Variants in SIPA1L3 observed in about 807,000 individuals in gnomAD.
SIPA1L3 encodes signal-induced proliferation-associated 1-like protein 3.
A neutral mutation model predicts 150.1 loss-of-function variants in SIPA1L3; 59 were observed. That is an observed-to-expected ratio of 0.39 (90% CI 0.32 to 0.49). The LOEUF is 0.49. Ranked by LOEUF, SIPA1L3 falls within the 20% of genes least tolerant of loss-of-function variation. The pLI is 0.86. For missense variants in SIPA1L3, 2,211 were observed against 2,489.5 expected, an observed-to-expected ratio of 0.89 and a Z score of 2.38; for synonymous variants, 1,070 against 1,077.6, an observed-to-expected ratio of 0.99 and a Z score of 0.14.
At chr19:38,080,992 T>G (rs1203450649) in intron 2 of SIPA1L3, among the ~76,000 whole-genome samples, 3 of 150,000 alleles carry the variant, frequency 2.0e-5, no homozygotes, top group Non-Finnish European at 4.4e-5. Flanking sequence ...AAATGATGTC[T>G]GGGGTTTACT....
intron 2 of SIPA1L3, among the ~76,000 whole-genome samples, chr19:38,039,693 CAAAAAAA>C (rs60084757): frequency 2.7e-5 from 2 of 73,548 alleles, no homozygotes; most frequent in African/African-American, 1.1e-4. Context: ...GACTCTGTCT[CAAAAAAA>C]AAAAAAAAAA....
rs1245433359 is a variant in SIPA1L3 at position 38,192,206 on chromosome 19, G to A, written c.4492G>A (p.Asp1498Asn). 1 of 1,613,442 alleles carries A rather than the reference G, an allele frequency of 6.2e-7. No homozygotes were observed. Among genetic ancestry groups the A allele is most frequent in the Non-Finnish European group, 8.5e-7 (1 of 1,179,798 alleles). The change falls in exon 17 of 22, where the codon GAC becomes AAC. Residue 1498 changes from aspartate (D) to asparagine (N), a missense_variant. By Grantham distance (23) the Asp-to-Asn change is conservative. This residue lies in a region of SIPA1L3 where 806 missense variants were observed against 870.1 expected (regional missense o/e 0.93). Transcript: ENST00000222345. ...GQPRLRASLR[D>N]LRSPRKNYKS... is the part of the protein sequence containing the mutation. Reference sequence around the variant, plus strand: ...ACCGAGGTTGAGGGCATCCCTCCGAGACCTCCGGTCACCACGGAAGAACTA... The same window carrying A: ...ACCGAGGTTGAGGGCATCCCTCCGAAACCTCCGGTCACCACGGAAGAACTA...
At chr19:37,960,362 G>A (rs535768931) in intron 1 of SIPA1L3, among the ~76,000 whole-genome samples, 2 of 151,546 alleles carry the variant, frequency 1.3e-5, no homozygotes, top group African/African-American at 2.4e-5. Context: ...TCAGCCTTCT[G>A]AGTAGCTGGG....
At chr19:38,083,304 C>T (rs1352022657) in intron 3 of SIPA1L3, among the ~76,000 whole-genome samples, 1 of 152,192 alleles carries the variant, frequency 6.6e-6, no homozygotes, top group East Asian at 1.9e-4. Flanking sequence ...AGCAGCACTC[C>T]ATAAACCTTG....
intron 1 of SIPA1L3, among the ~76,000 whole-genome samples, chr19:37,956,196 C>G (rs1025139216): frequency 1.3e-5 from 2 of 152,198 alleles, no homozygotes; most frequent in Non-Finnish European, 2.9e-5. Flanking sequence ...CTTATTGTTA[C>G]AGCCATCCTG....
Position 38,100,139 on chromosome 19 carries a change from G to A in SIPA1L3, c.1843G>A (p.Asp615Asn), listed in dbSNP as rs201260014. The change falls in exon 5 of 22, where the codon GAT (aspartate) becomes AAT (asparagine). Residue 615 changes from aspartate to asparagine, a missense_variant. Around this residue, in one of 5 missense-constraint regions of SIPA1L3, gnomAD observed 625 missense variants for 804.2 expected, o/e 0.78. Coordinates refer to ENST00000222345, the MANE Select transcript of SIPA1L3 (RefSeq NM_015073.3). Reference protein sequence around the residue: ...PKVTEQLLKLDEQGLCRKHKV... With the variant: ...PKVTEQLLKLNEQGLCRKHKV... ...GGTGACGGAGCAACTGCTGAAGCTC[G>A]ATGAGCAAGGGGTGAGTCAGGGGCT... 6 of 1,584,834 alleles carry A rather than the reference G, an allele frequency of 3.8e-6. No individual in the cohort carries two copies. The highest frequency in any genetic ancestry group is 1.4e-5 in the African/African-American group (1 of 73,402).
intron 12 of SIPA1L3, among the ~76,000 whole-genome samples, chr19:38,145,042 G>GT (rs1735209015): frequency 6.6e-6 from 1 of 152,202 alleles, no homozygotes; most frequent in South Asian, 2.1e-4. Context: ...GGGCACCCAG[G>GT]TGACAGCAGG....
chr19:37,961,213 T>C (rs776748787), intron 1 of SIPA1L3, among the ~76,000 whole-genome samples: 1 of 151,350 alleles, frequency 6.6e-6, no homozygotes, highest in Non-Finnish European at 1.5e-5. Flanking sequence ...GTGATGGGGA[T>C]CTCGCTGTGT....
chr19:38,148,610 G>A (rs1332689299), intron 12 of SIPA1L3, among the ~76,000 whole-genome samples: 1 of 152,138 alleles, frequency 6.6e-6, no homozygotes, highest in Non-Finnish European at 1.5e-5. Context: ...TTGTTTCATC[G>A]GTTGATGTGG....
intron 1 of SIPA1L3, among the ~76,000 whole-genome samples, chr19:37,992,179 C>T (rs563247205): frequency 6.6e-6 from 1 of 152,274 alleles, no homozygotes; most frequent in East Asian, 1.9e-4. Context: ...CCAGAGCAGT[C>T]CCAACCTCTT....
intron 1 of SIPA1L3, among the ~76,000 whole-genome samples, chr19:37,937,744 A>AAAAAAAAAAAAAAAAAAAAAAC: frequency 8.4e-6 from 1 of 118,632 alleles, no homozygotes; most frequent in Non-Finnish European, 1.8e-5. Context: ...CCTGTCTCAA[A>AAAAAAAAAAAAAAAAAAAAAAC]AAAAAAAAAA....
intron 7 of SIPA1L3, chr19:38,109,722 G>C (rs933836527): frequency 6.2e-6 from 1 of 162,592 alleles, no homozygotes; most frequent in Non-Finnish European, 1.4e-5. Context: ...GCAGTTGGCC[G>C]TGAACAAAAT....
chr19:37,962,463 C>CTTTTTTTTTTTTTTTTTTTTT (rs71177491), intron 1 of SIPA1L3, among the ~76,000 whole-genome samples: 5 of 73,096 alleles, frequency 6.8e-5, no homozygotes, highest in African/African-American at 3.6e-4. Context: ...TGCAGCCGGC[C>CTTTTTTTTTTTTTTTTTTTTT]TTTTTTTTTT....
At chr19:38,148,747 T>A (rs1186935224) in intron 12 of SIPA1L3, among the ~76,000 whole-genome samples, 1 of 152,054 alleles carries the variant, frequency 6.6e-6, no homozygotes, top group African/African-American at 2.4e-5. Flanking sequence ...CCAACCCTGC[T>A]CCCCGTAAGG....
At chr19:38,059,995 G>C (rs188761673) in intron 2 of SIPA1L3, among the ~76,000 whole-genome samples, 1 of 152,176 alleles carries the variant, frequency 6.6e-6, no homozygotes, top group Non-Finnish European at 1.5e-5. Context: ...GGCTGGTCTC[G>C]AACTTCTGAG....
In SIPA1L3 at chr19:38,053,033, G is replaced by A. The variant is rs537794610; in HGVS notation, c.-311+23877G>A. Among the ~76,000 whole-genome samples, 4 of 152,378 alleles carry A rather than the reference G, an allele frequency of 2.6e-5. No individual in the cohort carries two copies. In the South Asian group the frequency reaches 8.3e-4, roughly 32 times the overall value. ...GGCCAGAGGAATGTTGTGCCACTGA[G>A]CAGCCCAAGCTGGCATTGAGCGGGC... On this transcript the variant is annotated intron_variant, in intron 2 of 21. Coordinates refer to ENST00000222345, the MANE Select transcript of SIPA1L3 (RefSeq NM_015073.3).
rs1969089309 is a variant in SIPA1L3 at position 38,047,565 on chromosome 19, C to T, written c.-311+18409C>T. On this transcript the variant is annotated intron_variant, in intron 2 of 21. Coordinates refer to ENST00000222345, the MANE Select transcript of SIPA1L3 (RefSeq NM_015073.3). This position sits in a 1 kb window ranked among gnomAD's most constrained non-coding sequence, Gnocchi z 4.7. ...TTTCCTCCTTCGACCTCGATCCCTC[C>T]TGCCACTCACTTTATAGTAGAGGCA... Among the ~76,000 whole-genome samples the T allele has an allele frequency of 6.6e-6, 1 of 152,240 alleles. No homozygotes were observed. The highest frequency in any genetic ancestry group is 2.4e-5 in the African/African-American group (1 of 41,466).
chr19:38,050,536 CATT>C (rs982983140), intron 2 of SIPA1L3, among the ~76,000 whole-genome samples: 20 of 152,184 alleles, frequency 1.3e-4, no homozygotes, highest in African/African-American at 4.6e-4. Flanking sequence ...CTATCACCGT[CATT>C]ATTATTGTTT....
intron 16 of SIPA1L3, among the ~76,000 whole-genome samples, chr19:38,189,376 C>CGGAG (rs1185397880): frequency 7.2e-5 from 11 of 152,138 alleles, no homozygotes; most frequent in Non-Finnish European, 1.3e-4. Context: ...AGTGATCCTC[C>CGGAG]CACTTACGCC....
Sources: allele counts gnomAD v4.1 joint callset (sites outside exome capture counted in the v4.1 genomes callset), GRCh38; gene constraint gnomAD v4.1.1; regional missense constraint gnomAD v4.1.1; non-coding constraint Gnocchi (gnomAD v3.1); transcripts MANE v1.5; gene names NCBI Gene and HGNC (gene_info 2026-07-23, HGNC 2026-07-21).